DOCK8: variants seen among roughly 807,000 people sequenced by gnomAD.
DOCK8 encodes the protein dedicator of cytokinesis 8, also known as dedicator of cytokinesis protein 8.
In DOCK8, 141 loss-of-function variants were observed where a neutral mutation model predicts 245.6. The observed-to-expected ratio is 0.57, with a 90% CI of 0.50 to 0.66. DOCK8 has a LOEUF of 0.66. Among genes scored for constraint, DOCK8 ranks in the 30% least tolerant of loss-of-function variants. The probability of loss-of-function intolerance (pLI) is 0.00; values close to 1 mark genes in which losing one functional copy is unlikely to be tolerated. For missense variants in DOCK8, 2,965 were observed against 2,603.4 expected (o/e 1.14, Z -3.02); for synonymous variants, 1,168 against 970.2 (o/e 1.20, Z -3.79).
intron 26 of DOCK8, among the ~76,000 whole-genome samples, chr9:403,992 GTGTATA>G (rs1210025467): frequency 2.9e-5 from 2 of 68,470 alleles, no homozygotes; most frequent in African/African-American, 1.6e-4. Context: ...ATATATATAT[GTGTATA>G]TATATATATA....
At chr9:325,545 T>C in intron 7 of DOCK8, 126 bp from the exon 8 acceptor site, 1 of 805,916 alleles carries the variant, frequency 1.2e-6, no homozygotes, top group Admixed American at 1.8e-5. Flanking sequence ...CTCATATACT[T>C]GGAGTTTTCC....
rs540282180 is a variant in DOCK8 at position 312,075 on chromosome 9, T to G, written c.650T>G (p.Val217Gly). 38 of 1,614,190 alleles carry G rather than the reference T, an allele frequency of 2.4e-5. No individual in the cohort carries two copies. In the South Asian group the frequency reaches 4.0e-4, roughly 17 times the overall value. The change falls in exon 6 of 48, where the codon GTG becomes GGG. Residue 217 changes from valine (V) to glycine (G), a missense_variant. Val to Gly is a moderately radical substitution (Grantham distance 109). This residue lies in a region of DOCK8 where 2,825 missense variants were observed against 2,453.5 expected (regional missense o/e 1.15). Transcript: ENST00000432829. Reference protein sequence around the residue: ...DKRLENLLQQVSAEDFEKQNE... With the variant: ...DKRLENLLQQGSAEDFEKQNE... ...CGGCTAGAAAACCTCCTGCAGCAAG[T>G]GAGTGCCGAGGACTTTGAGAAGCAG...
At chr9:232,308 T>C (rs76527636) in intron 1 of DOCK8, among the ~76,000 whole-genome samples, 6,668 of 152,306 alleles carry the variant, frequency 0.044, 171 homozygotes, top group South Asian at 0.08. Context: ...CAGTATTTTA[T>C]TGAGTATTTT....
At chr9:225,582 A>G (rs1405084177) in intron 1 of DOCK8, among the ~76,000 whole-genome samples, 2 of 152,196 alleles carry the variant, frequency 1.3e-5, no homozygotes. Flanking sequence ...CATTTCATGC[A>G]TATTGCTTAT....
chr9:423,037 T>C (rs1248312760), intron 33 of DOCK8, among the ~76,000 whole-genome samples: 5 of 151,860 alleles, frequency 3.3e-5, no homozygotes, highest in African/African-American at 4.8e-5. Context: ...ATAGTCAATG[T>C]ATTTTTTAAA....
At chr9:354,007 A>T (rs1031003566) in intron 14 of DOCK8, among the ~76,000 whole-genome samples, 1 of 152,190 alleles carries the variant, frequency 6.6e-6, no homozygotes, top group Non-Finnish European at 1.5e-5. Flanking sequence ...TGGAGATTGA[A>T]TTGACTCCAA....
chr9:433,698 C>G (rs1370824239), intron 37 of DOCK8, among the ~76,000 whole-genome samples, 177 bp from the exon 38 acceptor site: 1 of 152,174 alleles, frequency 6.6e-6, no homozygotes. Flanking sequence ...CTCATAAACT[C>G]CTGGGCTGGC....
At chr9:281,905 G>A (rs1563870916) in intron 2 of DOCK8, among the ~76,000 whole-genome samples, 1 of 152,066 alleles carries the variant, frequency 6.6e-6, no homozygotes, top group Non-Finnish European at 1.5e-5. Flanking sequence ...TAGGGGAGAC[G>A]AACTATTCAA....
intron 37 of DOCK8, among the ~76,000 whole-genome samples, chr9:433,490 A>C (rs903905460): frequency 3.9e-5 from 6 of 152,234 alleles, no homozygotes; most frequent in African/African-American, 9.6e-5. Context: ...CTTCTGAGAC[A>C]TGGAACTCAA....
upstream of DOCK8, chr9:213,122 G>C (rs1301150979): frequency 6.6e-6 from 1 of 152,164 alleles, no homozygotes; most frequent in African/African-American, 2.4e-5. Context: ...TTTCAAAAAA[G>C]CTTTATTTTT....
chr9:339,173 G>A lies in DOCK8; in HGVS notation c.1516+74G>A, dbSNP rs2051456128. 5.6e-6 allele frequency: 7 copies of A among 1,255,648 alleles called. No individual in the cohort carries two copies. The Admixed American group carries it at 1.2e-4, about 22-fold the overall frequency. The allele number at this position is 1,255,648 out of a possible 1,614,324, so 77.8% of individuals were successfully genotyped here. A position where few individuals can be genotyped will look rare whatever the true frequency, so the allele number is the denominator to read the frequency against. On this transcript the variant is annotated intron_variant, in intron 13 of 47. Coordinates refer to ENST00000432829, the MANE Select transcript of DOCK8 (RefSeq NM_203447.4). ...TCGTTAGACACAGTCTTTGTCTAATGCCAGAATTTATAAAATCATGTTTGC... is the reference window on the plus strand; with the variant it reads ...TCGTTAGACACAGTCTTTGTCTAATACCAGAATTTATAAAATCATGTTTGC...
chr9:216,332 C>T (rs1407681611), intron 1 of DOCK8, among the ~76,000 whole-genome samples: 2 of 151,848 alleles, frequency 1.3e-5, no homozygotes, highest in South Asian at 2.1e-4. Context: ...AGTTTGAGAC[C>T]AGCCTGGGCA....
At chr9:338,181 T>C (rs1026097854) in intron 12 of DOCK8, among the ~76,000 whole-genome samples, 2 of 151,602 alleles carry the variant, frequency 1.3e-5, no homozygotes, top group African/African-American at 4.9e-5. Context: ...AGAGGTAATA[T>C]GGTAATTTTA....
At chr9:334,142 G>A in intron 10 of DOCK8, 83 bp from the exon 11 acceptor site, 1 of 1,500,350 alleles carries the variant, frequency 6.7e-7, no homozygotes, top group Non-Finnish European at 9.2e-7. Context: ...TTGGATTTTG[G>A]AGATGGCTGT....
intron 2 of DOCK8, among the ~76,000 whole-genome samples, chr9:285,760 G>A (rs2048798206): frequency 2.0e-5 from 3 of 152,204 alleles, no homozygotes; most frequent in Middle Eastern, 6.8e-3. Flanking sequence ...AAATTGAAGA[G>A]CAAAGAACAC....
At chr9:276,523 G>A (rs558588597) in intron 2 of DOCK8, among the ~76,000 whole-genome samples, 3 of 147,930 alleles carry the variant, frequency 2.0e-5, no homozygotes, top group African/African-American at 8.0e-5. Context: ...TTAGTATGAA[G>A]GGGATCCATC....
intron 43 of DOCK8, among the ~76,000 whole-genome samples, chr9:444,742 C>T (rs1457542182): frequency 2.0e-5 from 3 of 152,194 alleles, no homozygotes; most frequent in Admixed American, 6.5e-5. Flanking sequence ...AGACACCCAT[C>T]ACTGAGGAAA....
At chr9:435,957 A>G (rs2056885940) in intron 39 of DOCK8, among the ~76,000 whole-genome samples, 2 of 152,214 alleles carry the variant, frequency 1.3e-5, no homozygotes, top group South Asian at 4.1e-4. Context: ...AAGGGTTTGT[A>G]TTATTCTTGT....
At chr9:301,071 A>C (rs557549436) in intron 4 of DOCK8, among the ~76,000 whole-genome samples, 1 of 152,342 alleles carries the variant, frequency 6.6e-6, no homozygotes, top group Admixed American at 6.5e-5. Flanking sequence ...ATCCCTGATG[A>C]ACATCGACAC....
Sources: gnomAD v4.1 joint callset for allele counts (sites outside exome capture counted in the v4.1 genomes callset) on GRCh38, gnomAD v4.1.1 for gene constraint, gnomAD v4.1.1 regional missense constraint, MANE v1.5 for transcripts, NCBI Gene and HGNC (gene_info 2026-07-23, HGNC 2026-07-21) for gene names.